The following PLEKHH1 variants were observed in gnomAD, a reference collection of about 807,000 sequenced individuals.
PLEKHH1 encodes the protein pleckstrin homology, MyTH4 and FERM domain containing H1, also known as pleckstrin homology domain-containing family H member 1.
Under a neutral mutation model 160.0 loss-of-function variants are expected in PLEKHH1, and 104 were observed. That is an observed-to-expected ratio of 0.65 (90% CI 0.55 to 0.76). PLEKHH1 has a LOEUF of 0.76. Among genes scored for constraint, PLEKHH1 ranks in the 30% least tolerant of loss-of-function variants. The probability of loss-of-function intolerance (pLI) is 0.00; values close to 1 mark genes in which losing one functional copy is unlikely to be tolerated. For synonymous variants in PLEKHH1, 619 were observed against 678.4 expected (o/e 0.91, Z 1.36); for missense variants, 1,427 against 1,724.1 (o/e 0.83, Z 3.05).
intron 26 of PLEKHH1, chr14:67,585,157 C>A: frequency 6.1e-6 from 1 of 163,600 alleles, no homozygotes; most frequent in South Asian, 1.7e-4. Context: ...GTCAGAAGCA[C>A]TTCGGCTTGG....
intron 1 of PLEKHH1, among the ~76,000 whole-genome samples, chr14:67,535,459 C>A (rs2033675047): frequency 7.4e-6 from 1 of 135,088 alleles, no homozygotes. Flanking sequence ...CAGCTCACTA[C>A]AACCTCCGCC....
chr14:67,567,311 G>C (rs948684073), intron 7 of PLEKHH1, among the ~76,000 whole-genome samples: 10 of 152,194 alleles, frequency 6.6e-5, no homozygotes, highest in African/African-American at 2.4e-4. Flanking sequence ...ATGTATCTTA[G>C]AGTTTGGAAA....
At chr14:67,560,095 C>T (rs1005505980) in intron 5 of PLEKHH1, among the ~76,000 whole-genome samples, 1 of 152,164 alleles carries the variant, frequency 6.6e-6, no homozygotes, top group African/African-American at 2.4e-5. Flanking sequence ...GGCGCAATCT[C>T]GGCTTACCGC....
Position 67,569,187 on chromosome 14 carries a change from T to C in PLEKHH1, c.1313T>C (p.Met438Thr), listed in dbSNP as rs2035251522. Residue 438 changes from methionine to threonine, a missense_variant, in exon 8 of 29, where the codon ATG becomes ACG. Coordinates refer to ENST00000329153, the MANE Select transcript of PLEKHH1 (RefSeq NM_020715.3). ...VATSGMRLSD[M>T]SPRSNTACCA... Reference sequence around the variant, plus strand: ...ACATCGGGCATGCGGCTCTCAGATATGTCTCCCAGAAGTAATACTGCATGC... The same window carrying C: ...ACATCGGGCATGCGGCTCTCAGATACGTCTCCCAGAAGTAATACTGCATGC... The C allele has an allele frequency of 6.2e-7, 1 of 1,612,994 alleles. No individual in the cohort carries two copies. Among genetic ancestry groups the C allele is most frequent in the Non-Finnish European group, 8.5e-7 (1 of 1,179,200 alleles).
At chr14:67,545,036 G>A (rs1268808153) in intron 2 of PLEKHH1, among the ~76,000 whole-genome samples, 1 of 152,218 alleles carries the variant, frequency 6.6e-6, no homozygotes, top group East Asian at 1.9e-4. Flanking sequence ...TTTGGCTGCT[G>A]TAAGAAAGAA....
At chr14:67,534,318 C>T (rs2033607905) in intron 1 of PLEKHH1, among the ~76,000 whole-genome samples, 1 of 152,114 alleles carries the variant, frequency 6.6e-6, no homozygotes, top group Non-Finnish European at 1.5e-5. Context: ...GTGGCTTATG[C>T]CTGTAATCCC....
At chr14:67,563,823 T>A (rs1390335482) in intron 7 of PLEKHH1, among the ~76,000 whole-genome samples, 1 of 142,662 alleles carries the variant, frequency 7.0e-6, no homozygotes, top group African/African-American at 2.6e-5. Context: ...AACCTCCGCC[T>A]CCCAGGTTCA....
rs1213629511 is a variant in PLEKHH1 at position 67,585,852 on chromosome 14, G to T, written c.3787-99G>T. The T allele has an allele frequency of 2.3e-6, 3 of 1,300,888 alleles. No individual in the cohort carries two copies. The South Asian group carries it at 4.1e-5, about 18-fold the overall frequency. 80.6% of individuals were successfully genotyped at this position (1,300,888 alleles called of 1,614,324 possible). A position where few individuals can be genotyped will look rare whatever the true frequency, so the allele number is the denominator to read the frequency against. ...ATCTCCAAATTATGACCACTTGGGA[G>T]TTCTCCTTTCCTGTGCCTAGAAGAG... On this transcript the variant is annotated intron_variant, in intron 27 of 28. Coordinates refer to ENST00000329153, the MANE Select transcript of PLEKHH1 (RefSeq NM_020715.3).
At chr14:67,561,881 A>C in intron 5 of PLEKHH1, 73 bp from the exon 6 acceptor site, 1 of 1,207,514 alleles carries the variant, frequency 8.3e-7, no homozygotes, top group Admixed American at 2.2e-5. Context: ...AAAAAAAAAA[A>C]AAAAAGAATT....
rs1355819173 is a variant in PLEKHH1 at position 67,557,486 on chromosome 14, T to C, written c.339+68T>C. The C allele has an allele frequency of 1.5e-5, 22 of 1,490,856 alleles. No homozygotes were observed. In the Admixed American group the frequency reaches 3.4e-4, roughly 23 times the overall value. 92.4% of individuals were successfully genotyped at this position (1,490,856 alleles called of 1,614,324 possible). On this transcript the variant is annotated intron_variant, in intron 4 of 28. Transcript: ENST00000329153. ...TCTGTACTGCTGGCCCCCAGCTTCC[T>C]GAGCTGTTCCGCTCAAGCCCTCTAG...
At chr14:67,538,828 C>T (rs1045070996) in intron 1 of PLEKHH1, among the ~76,000 whole-genome samples, 7 of 152,226 alleles carry the variant, frequency 4.6e-5, no homozygotes, top group South Asian at 4.2e-4. Context: ...CATGATGTTA[C>T]GGAGATGCTT....
chr14:67,587,110 A>G lies in PLEKHH1; in HGVS notation c.3970A>G (p.Asn1324Asp), dbSNP rs1305157307. Residue 1324 changes from asparagine to aspartate, a missense_variant, in exon 29 of 29, where the codon AAC becomes GAC. Asn to Asp is a conservative substitution (Grantham distance 23). Around this residue, in one of 6 missense-constraint regions of PLEKHH1, gnomAD observed 96 missense variants for 97.6 expected, o/e 0.98. Coordinates refer to ENST00000329153, the MANE Select transcript of PLEKHH1 (RefSeq NM_020715.3). The part of the protein sequence containing the change: ...EATFIMASYM[N>D]HCTTTVNPPT... ...TACCTTCATCATGGCCAGCTATATG[A>G]ACCATTGCACTACAACTGTGAACCC... is the stretch of plus-strand genomic sequence containing the variant. 1 of 1,613,342 alleles carries G rather than the reference A, an allele frequency of 6.2e-7. No individual in the cohort carries two copies. The highest frequency in any genetic ancestry group is 8.5e-7 in the Non-Finnish European group (1 of 1,179,650).
At chr14:67,540,164 A>G (rs2140321327) in intron 1 of PLEKHH1, among the ~76,000 whole-genome samples, 1 of 152,268 alleles carries the variant, frequency 6.6e-6, no homozygotes, top group South Asian at 2.1e-4. Flanking sequence ...TCATATAAAG[A>G]ACTCCCATAT....
At chr14:67,559,575 TG>T in intron 4 of PLEKHH1, 32 bp from the exon 5 acceptor site, 1 of 1,453,410 alleles carries the variant, frequency 6.9e-7, no homozygotes, top group Non-Finnish European at 9.5e-7. Flanking sequence ...TGGTGATTGT[TG>T]GGATTAACGG....
At position 67,577,294 on chromosome 14, in the gene PLEKHH1, T is replaced by C; in HGVS notation, c.2462-8T>C. ...TGCCCTTGCTCTCTGGTTCCGTGCT[T>C]TGGGCAGATTCGCCGCTCTGGAGGC... On this transcript the variant is annotated splice_region_variant and splice_polypyrimidine_tract_variant and intron_variant, in intron 17 of 28. Transcript: ENST00000329153. 1 of 1,551,956 alleles carries C rather than the reference T, an allele frequency of 6.4e-7. No individual in the cohort carries two copies. The highest frequency in any genetic ancestry group is 8.7e-7 in the Non-Finnish European group (1 of 1,146,322).
intron 22 of PLEKHH1, 27 bp from the exon 23 acceptor site, chr14:67,580,909 TTC>T: frequency 6.8e-7 from 1 of 1,465,012 alleles, no homozygotes; most frequent in Non-Finnish European, 9.6e-7. Flanking sequence ...TCAGGAAATT[TTC>T]TGACTTTCTT....
At chr14:67,546,607 C>T (rs1295217299) in intron 2 of PLEKHH1, among the ~76,000 whole-genome samples, 1 of 152,210 alleles carries the variant, frequency 6.6e-6, no homozygotes, top group Non-Finnish European at 1.5e-5. Flanking sequence ...TCAGGCTGGT[C>T]TTGAACTCCC....
In PLEKHH1 at chr14:67,573,181, C is replaced by G. The variant is rs117185632; in HGVS notation, c.1729-95C>G. 18,124 of 736,338 alleles carry G rather than the reference C, an allele frequency of 0.025. 754 individuals carry two copies. Among genetic ancestry groups the G allele is most frequent in the Admixed American group, 0.1 (5,090 of 48,654 alleles). The allele number at this position is 736,338 out of a possible 1,614,324, so 45.6% of individuals were successfully genotyped here. ...AATAATTTTGTATTTAATTGATGAC[C>G]GAGTAGTGAGGCAGCTGGACCACTT... On this transcript the variant is annotated intron_variant, in intron 11 of 28. Transcript: ENST00000329153. The surrounding 1 kb of genome is among the most constrained non-coding windows in gnomAD (Gnocchi z 4.8).
chr14:67,586,270 C>A, intron 28 of PLEKHH1, 173 bp downstream of exon 28: 1 of 1,080,422 alleles, frequency 9.3e-7, no homozygotes, highest in Non-Finnish European at 1.4e-6. Context: ...ATCTCCGTAT[C>A]AATGTTCAGC....
Sources: gnomAD v4.1 joint callset for allele counts (sites outside exome capture counted in the v4.1 genomes callset) on GRCh38, gnomAD v4.1.1 for gene constraint, gnomAD v4.1.1 regional missense constraint, Gnocchi (gnomAD v3.1) non-coding constraint, MANE v1.5 for transcripts, NCBI Gene and HGNC (gene_info 2026-07-23, HGNC 2026-07-21) for gene names.